Variants in PSD3 observed in about 807,000 individuals in gnomAD.
PSD3 encodes pleckstrin and Sec7 domain containing 3.
In PSD3, 49 loss-of-function variants were observed where a neutral mutation model predicts 105.5. The observed-to-expected ratio is 0.46, with a 90% CI of 0.37 to 0.59. The LOEUF is 0.59. Among genes scored for constraint, PSD3 ranks in the 20% least tolerant of loss-of-function variants. The pLI is 0.00. For synonymous variants in PSD3, 557 were observed against 457.8 expected, an observed-to-expected ratio of 1.22 and a Z score of -2.77; for missense variants, 1,561 against 1,263.8, an observed-to-expected ratio of 1.24 and a Z score of -3.57.
intron 8 of PSD3, among the ~76,000 whole-genome samples, chr8:18,786,301 T>A (rs1809150588): frequency 6.6e-6 from 1 of 152,122 alleles, no homozygotes; most frequent in Admixed American, 6.5e-5. Context: ...GGCTACAGAG[T>A]CAAAAGTGTT....
At chr8:18,570,396 G>A (rs1374143387) in intron 14 of PSD3, among the ~76,000 whole-genome samples, 2 of 104,256 alleles carry the variant, frequency 1.9e-5, no homozygotes, top group Non-Finnish European at 3.9e-5. Flanking sequence ...TACCATTCAG[G>A]ACATAGGCAT....
chr8:18,751,576 C>T (rs1177141106), intron 9 of PSD3, among the ~76,000 whole-genome samples: 2 of 150,562 alleles, frequency 1.3e-5, no homozygotes, highest in Admixed American at 6.6e-5. Flanking sequence ...CACCCGGAGG[C>T]GCCACCACTA....
intron 1 of PSD3, among the ~76,000 whole-genome samples, chr8:18,982,667 G>A (rs900171828): frequency 1.3e-5 from 2 of 152,200 alleles, no homozygotes; most frequent in African/African-American, 4.8e-5. Flanking sequence ...GGGTGACTAG[G>A]TGCATGGCTG....
intron 9 of PSD3, among the ~76,000 whole-genome samples, chr8:18,724,886 A>G (rs576161463): frequency 6.6e-6 from 1 of 152,326 alleles, no homozygotes; most frequent in South Asian, 2.1e-4. Context: ...GAACAATCGT[A>G]ACAACTAGAT....
At chr8:18,785,784 T>C (rs1809085899) in intron 8 of PSD3, among the ~76,000 whole-genome samples, 1 of 152,188 alleles carries the variant, frequency 6.6e-6, no homozygotes, top group South Asian at 2.1e-4. Context: ...TCTAAGGCTA[T>C]TAATTGGCCT....
chr8:18,930,853 C>T (rs1821705853), intron 2 of PSD3, among the ~76,000 whole-genome samples: 1 of 152,178 alleles, frequency 6.6e-6, no homozygotes, highest in African/African-American at 2.4e-5. Context: ...CAGGCATGAG[C>T]CACTGCGCCT....
chr8:18,824,956 T>A (rs972422771), intron 4 of PSD3, among the ~76,000 whole-genome samples: 1 of 152,148 alleles, frequency 6.6e-6, no homozygotes, highest in Non-Finnish European at 1.5e-5. Flanking sequence ...AAAACCCTAG[T>A]GTGCTCTAGG....
intron 15 of PSD3, among the ~76,000 whole-genome samples, chr8:18,543,438 C>T (rs1563305647): frequency 6.6e-6 from 1 of 152,064 alleles, no homozygotes; most frequent in Non-Finnish European, 1.5e-5. Flanking sequence ...CACGGTGAAA[C>T]CCCGTCTCTA....
At position 18,914,060 on chromosome 8, in the gene PSD3, C is replaced by T. The variant is rs1182815140; in HGVS notation, c.130+21974G>A. 7.2e-5 allele frequency among the ~76,000 whole-genome samples: 11 copies of T among 152,250 alleles called. 1 individual carries two copies. In the South Asian group the frequency reaches 1.5e-3, roughly 20 times the overall value. The stretch of plus-strand genomic sequence containing the variant: ...GAAAATCCAGGCTCTAAGCAAACCC[C>T]AGGGGAGCCAGGAACCAGCCTGCCC... On this transcript the variant is annotated intron_variant, in intron 2 of 15. Transcript: ENST00000327040.
chr8:18,765,272 C>G (rs770547453), intron 9 of PSD3, among the ~76,000 whole-genome samples, 177 bp downstream of exon 9: 7 of 152,150 alleles, frequency 4.6e-5, no homozygotes, highest in Non-Finnish European at 8.8e-5. Flanking sequence ...TAGAAATTAT[C>G]AACTTAAGGT....
intron 8 of PSD3, among the ~76,000 whole-genome samples, chr8:18,780,026 G>T (rs1808456297): frequency 6.6e-6 from 1 of 152,132 alleles, no homozygotes; most frequent in East Asian, 1.9e-4. Flanking sequence ...AGTTGTTGAA[G>T]ACACCTAATC....
At chr8:18,844,054 C>T (rs1004609779) in intron 4 of PSD3, among the ~76,000 whole-genome samples, 2 of 151,912 alleles carry the variant, frequency 1.3e-5, no homozygotes, top group African/African-American at 4.8e-5. Flanking sequence ...GTTCTGGTCC[C>T]ACAAGACAGA....
In PSD3 at chr8:18,981,101, G is replaced by C. The variant is rs537368891; in HGVS notation, c.21+32462C>G. On this transcript the variant is annotated intron_variant, in intron 1 of 15. Coordinates refer to ENST00000327040, the MANE Select transcript of PSD3 (RefSeq NM_015310.4). ...TTTGTTATGTCTGTCTTCCCTCCTA[G>C]ACATTAAGTTAAAACAGTCAATGAC... Among the ~76,000 whole-genome samples, 14 of 152,144 alleles carry C rather than the reference G, an allele frequency of 9.2e-5. No individual in the cohort carries two copies. The South Asian group carries it at 2.9e-3, about 32-fold the overall frequency.
At chr8:18,865,579 A>T (rs1040210749) in intron 4 of PSD3, among the ~76,000 whole-genome samples, 8 of 152,018 alleles carry the variant, frequency 5.3e-5, no homozygotes, top group African/African-American at 1.9e-4. Context: ...CAAATAACAC[A>T]AAATGGGGGA....
At position 18,572,443 on chromosome 8, in the gene PSD3, T is replaced by A. The variant is rs571333587; in HGVS notation, c.2784+85A>T. ...AGGTCTCACACCTGCCCCCAAAACA[T>A]GGACTACTATCCAAAGACAAATATT... On this transcript the variant is annotated intron_variant, in intron 14 of 15. Coordinates refer to ENST00000327040, the MANE Select transcript of PSD3 (RefSeq NM_015310.4). 2.0e-6 allele frequency: 3 copies of A among 1,506,062 alleles called. No individual in the cohort carries two copies. The Admixed American group carries it at 5.6e-5, about 28-fold the overall frequency. The allele number at this position is 1,506,062 out of a possible 1,614,324, so 93.3% of individuals were successfully genotyped here. A position where few individuals can be genotyped will look rare whatever the true frequency, so the allele number is the denominator to read the frequency against.
At chr8:18,822,596 G>A (rs1351340456) in intron 4 of PSD3, among the ~76,000 whole-genome samples, 1 of 152,154 alleles carries the variant, frequency 6.6e-6, no homozygotes, top group African/African-American at 2.4e-5. Flanking sequence ...TCTCCCTAGC[G>A]ACAGTCTCTG....
chr8:18,711,930 C>T (rs149952710), intron 9 of PSD3, among the ~76,000 whole-genome samples: 10 of 152,246 alleles, frequency 6.6e-5, no homozygotes, highest in Middle Eastern at 3.4e-3. Context: ...AATAGTCTCT[C>T]GGACCACAGA....
intron 1 of PSD3, chr8:18,940,390 C>G (rs1386199169): frequency 6.6e-6 from 1 of 152,180 alleles, no homozygotes; most frequent in Non-Finnish European, 1.5e-5. Flanking sequence ...CTTTGAGGAG[C>G]AAGGCTTGAA....
intron 9 of PSD3, among the ~76,000 whole-genome samples, chr8:18,704,014 A>C (rs561945838): frequency 1.3e-5 from 2 of 152,366 alleles, no homozygotes; most frequent in African/African-American, 4.8e-5. Context: ...CCTGGCAGAT[A>C]AGATCTTTAA....
Sources: allele counts gnomAD v4.1 joint callset (sites outside exome capture counted in the v4.1 genomes callset), GRCh38; gene constraint gnomAD v4.1.1; transcripts MANE v1.5; gene names NCBI Gene and HGNC (gene_info 2026-07-23, HGNC 2026-07-21).